SYN3: variants seen among roughly 807,000 people sequenced by gnomAD.
SYN3 encodes synapsin-3.
SYN3 carries 35 observed loss-of-function variants against 65.8 expected under a neutral mutation model. The observed-to-expected ratio is 0.53, with a 90% confidence interval of 0.41 to 0.70. SYN3 has a LOEUF of 0.70. Ranked by LOEUF, SYN3 falls within the 30% of genes least tolerant of loss-of-function variation. SYN3 has a pLI of 0.00. For synonymous variants in SYN3, 270 were observed against 292.9 expected, an observed-to-expected ratio of 0.92 and a Z score of 0.80; for missense variants, 680 against 749.0, an observed-to-expected ratio of 0.91 and a Z score of 1.08.
intron 5 of SYN3, among the ~76,000 whole-genome samples, chr22:32,866,396 G>A (rs1298452720): frequency 6.6e-6 from 1 of 152,208 alleles, no homozygotes; most frequent in Non-Finnish European, 1.5e-5. Context: ...AACGATGTAT[G>A]TGTGTGTGGG....
At chr22:32,741,652 C>A (rs925199352) in intron 6 of SYN3, among the ~76,000 whole-genome samples, 1 of 151,848 alleles carries the variant, frequency 6.6e-6, no homozygotes, top group African/African-American at 2.4e-5. Context: ...ATCGTGCTTG[C>A]CCTCTAAAGC....
intron 1 of SYN3, among the ~76,000 whole-genome samples, chr22:33,048,079 C>T (rs557930953): frequency 2.0e-5 from 3 of 152,120 alleles, no homozygotes; most frequent in South Asian, 2.1e-4. Flanking sequence ...TAGAAAACAC[C>T]GACCAACACC....
chr22:32,698,978 C>T (rs1366545360), intron 6 of SYN3, among the ~76,000 whole-genome samples: 1 of 152,106 alleles, frequency 6.6e-6, no homozygotes. Context: ...GTAGGTCATC[C>T]GTGTCCAAAG....
At chr22:32,874,984 C>G (rs1174195339) in intron 4 of SYN3, among the ~76,000 whole-genome samples, 2 of 152,170 alleles carry the variant, frequency 1.3e-5, no homozygotes, top group Non-Finnish European at 2.9e-5. Context: ...ACTTAGGGTA[C>G]CACTATTCTG....
intron 7 of SYN3, among the ~76,000 whole-genome samples, chr22:32,569,563 C>A (rs1246638195): frequency 0.11 from 5,847 of 52,024 alleles, 174 homozygotes; most frequent in African/African-American, 0.14. Flanking sequence ...CTCTCTCTCT[C>A]TCTCTCTCTA....
At chr22:32,988,307 A>AAATAATAATAATAAT (rs58058197) in intron 2 of SYN3, among the ~76,000 whole-genome samples, 1,449 of 142,578 alleles carry the variant, frequency 0.01, 30 homozygotes, top group East Asian at 0.037. Context: ...CTCTGTCTCA[A>AAATAATAATAATAAT]AATAATAATA....
At chr22:32,732,657 C>T (rs1049023918) in intron 6 of SYN3, among the ~76,000 whole-genome samples, 1 of 152,202 alleles carries the variant, frequency 6.6e-6, no homozygotes, top group Admixed American at 6.5e-5. Flanking sequence ...TCTACATATC[C>T]TATGAGGTAA....
intron 6 of SYN3, among the ~76,000 whole-genome samples, chr22:32,626,850 G>A (rs1188424274): frequency 6.6e-6 from 1 of 152,212 alleles, no homozygotes; most frequent in Non-Finnish European, 1.5e-5. Flanking sequence ...GGTATTTGGT[G>A]AATGTGTGTT....
At chr22:32,624,899 G>A (rs1399100128) in intron 6 of SYN3, among the ~76,000 whole-genome samples, 1 of 152,170 alleles carries the variant, frequency 6.6e-6, no homozygotes, top group African/African-American at 2.4e-5. Flanking sequence ...GAAAGAGGAT[G>A]TCACTTGCTC....
chr22:32,948,515 T>C (rs912804418), intron 3 of SYN3, among the ~76,000 whole-genome samples: 1 of 152,128 alleles, frequency 6.6e-6, no homozygotes, highest in Non-Finnish European at 1.5e-5. Flanking sequence ...GGCGGGCAGA[T>C]CACAAGGTCA....
intron 2 of SYN3, among the ~76,000 whole-genome samples, chr22:32,999,913 T>G (rs2053008571): frequency 6.6e-6 from 1 of 152,100 alleles, no homozygotes; most frequent in African/African-American, 2.4e-5. Context: ...GGTAGTCCCA[T>G]GGAAGGTAAC....
At chr22:32,696,381 C>T (rs2060736849) in intron 6 of SYN3, among the ~76,000 whole-genome samples, 1 of 152,194 alleles carries the variant, frequency 6.6e-6, no homozygotes, top group Non-Finnish European at 1.5e-5. Flanking sequence ...CCACTCCTCT[C>T]TATTATGGAA....
intron 6 of SYN3, among the ~76,000 whole-genome samples, chr22:32,716,446 T>G (rs1179766738): frequency 6.6e-6 from 1 of 152,090 alleles, no homozygotes; most frequent in East Asian, 1.9e-4. Context: ...AGGCCATTCC[T>G]CTGTCCAGCT....
At chr22:32,537,991 C>G in intron 9 of SYN3, 45 bp downstream of exon 9, 1 of 1,572,846 alleles carries the variant, frequency 6.4e-7, no homozygotes, top group Non-Finnish European at 8.7e-7. Flanking sequence ...CCCTTCAGCT[C>G]CTACTATGGC....
intron 1 of SYN3, among the ~76,000 whole-genome samples, chr22:33,031,345 T>C (rs1441619225): frequency 6.6e-6 from 1 of 152,144 alleles, no homozygotes; most frequent in Non-Finnish European, 1.5e-5. Context: ...ACTAAAAATG[T>C]AGGAGTCTTC....
chr22:32,693,864 T>C (rs1179119832), intron 6 of SYN3, among the ~76,000 whole-genome samples: 1 of 152,110 alleles, frequency 6.6e-6, no homozygotes, highest in Non-Finnish European at 1.5e-5. Flanking sequence ...ATTACAGGCA[T>C]GAGCCACTGT....
intron 6 of SYN3, among the ~76,000 whole-genome samples, chr22:32,672,104 C>T (rs975843039): frequency 1.3e-5 from 2 of 152,176 alleles, no homozygotes; most frequent in Non-Finnish European, 2.9e-5. Flanking sequence ...CTTTGCTCTT[C>T]CTCCCCCATC....
intron 6 of SYN3, among the ~76,000 whole-genome samples, chr22:32,658,710 A>G (rs2060176217): frequency 2.0e-5 from 3 of 152,124 alleles, no homozygotes; most frequent in Admixed American, 2.0e-4. Context: ...CGGGATGTGT[A>G]CAAAGATGAG....
chr22:32,701,454 C>G (rs936404294), intron 6 of SYN3, among the ~76,000 whole-genome samples: 1 of 140,240 alleles, frequency 7.1e-6, no homozygotes, highest in Non-Finnish European at 1.5e-5. Context: ...AATGAATCAA[C>G]AGAATCAGAT....
Sources: allele counts gnomAD v4.1 joint callset (sites outside exome capture counted in the v4.1 genomes callset), GRCh38; gene constraint gnomAD v4.1.1; transcripts MANE v1.5; gene names NCBI Gene and HGNC (gene_info 2026-07-23, HGNC 2026-07-21).